ZNF407: variants seen among roughly 807,000 people sequenced by gnomAD.
ZNF407 encodes the protein zinc finger protein 407.
In ZNF407, 17 loss-of-function variants were observed where a neutral mutation model predicts 131.2. The ratio of observed to expected loss-of-function variants is 0.13; its 90% CI spans 0.09 to 0.19. The LOEUF is 0.19. Among genes scored for constraint, ZNF407 ranks in the 10% least tolerant of loss-of-function variants. The pLI, the probability that ZNF407 is intolerant of heterozygous loss-of-function variation, is 1.00. For synonymous variants in ZNF407, 1,156 were observed against 1,062.0 expected (o/e 1.09, Z -1.72); for missense variants, 2,681 against 2,830.6 (o/e 0.95, Z 1.20).
intron 3 of ZNF407, among the ~76,000 whole-genome samples, chr18:74,712,029 G>A (rs563494804): frequency 6.6e-6 from 1 of 152,258 alleles, no homozygotes; most frequent in East Asian, 1.9e-4. Context: ...TTATTTAAAA[G>A]TAAACCTTTT....
At chr18:74,769,654 G>A (rs764039655) in intron 3 of ZNF407, among the ~76,000 whole-genome samples, 1 of 152,162 alleles carries the variant, frequency 6.6e-6, no homozygotes, top group Non-Finnish European at 1.5e-5. Flanking sequence ...CACATGTCAT[G>A]TTTAACTTAA....
intron 1 of ZNF407, among the ~76,000 whole-genome samples, chr18:74,618,760 G>GA (rs1215451841): frequency 6.6e-6 from 1 of 151,888 alleles, no homozygotes; most frequent in South Asian, 2.1e-4. Flanking sequence ...CCATGCAGAG[G>GA]AAAAAAACTA....
At chr18:74,666,103 T>C (rs1423288070) in intron 3 of ZNF407, among the ~76,000 whole-genome samples, 1 of 152,066 alleles carries the variant, frequency 6.6e-6, no homozygotes, top group Admixed American at 6.6e-5. Context: ...CGTGGTGCAG[T>C]GGGAGCCTCA....
rs1028729762 is a variant in ZNF407 at position 75,060,118 on chromosome 18, A to T, written c.5429-3032A>T. The T allele has an allele frequency of 4.6e-5, 7 of 152,252 alleles. No homozygotes were observed. The East Asian group carries it at 1.2e-3, about 25-fold the overall frequency. The allele number at this position is 152,252 out of a possible 1,614,324, so 9.4% of individuals were successfully genotyped here. On this transcript the variant is annotated intron_variant, in intron 8 of 8. Transcript: ENST00000299687. ...CTAGCACCAAACCTCAGGAAGAGGA[A>T]GTCGTGTTCCGGAAGTGCCTGCTAC...
At chr18:74,815,595 T>G (rs1970256911) in intron 4 of ZNF407, among the ~76,000 whole-genome samples, 1 of 152,222 alleles carries the variant, frequency 6.6e-6, no homozygotes. Flanking sequence ...AAACTTTCTT[T>G]TCTCACAATA....
intron 7 of ZNF407, among the ~76,000 whole-genome samples, chr18:74,898,950 T>TA (rs751692910): frequency 7.2e-5 from 11 of 152,324 alleles, no homozygotes; most frequent in Non-Finnish European, 1.5e-4. Flanking sequence ...ATCTTTGAGT[T>TA]AAAAGTTTAA....
chr18:74,976,839 A>T (rs1231585384), intron 8 of ZNF407, among the ~76,000 whole-genome samples: 1 of 152,174 alleles, frequency 6.6e-6, no homozygotes, highest in African/African-American at 2.4e-5. Flanking sequence ...TCCGATATGG[A>T]ACATCAGATT....
intron 1 of ZNF407, among the ~76,000 whole-genome samples, chr18:74,608,706 T>C (rs979498491): frequency 6.6e-6 from 1 of 152,336 alleles, no homozygotes; most frequent in Non-Finnish European, 1.5e-5. Context: ...TACTGGCCAG[T>C]TATTTTGTAG....
intron 8 of ZNF407, among the ~76,000 whole-genome samples, chr18:74,929,109 C>G (rs1454660346): frequency 6.6e-6 from 1 of 152,148 alleles, no homozygotes; most frequent in East Asian, 1.9e-4. Context: ...CTCACTCATG[C>G]TCATCCTGTC....
chr18:74,796,733 G>A (rs776438716), intron 4 of ZNF407, among the ~76,000 whole-genome samples: 2 of 152,014 alleles, frequency 1.3e-5, no homozygotes, highest in Non-Finnish European at 2.9e-5. Flanking sequence ...ATGCACGCTC[G>A]AAGCTTGTTC....
Position 75,048,860 on chromosome 18 carries a change from G to T in ZNF407, c.5429-14290G>T, listed in dbSNP as rs142439189. On this transcript the variant is annotated intron_variant, in intron 8 of 8. Coordinates refer to ENST00000299687, the MANE Select transcript of ZNF407 (RefSeq NM_017757.3). The surrounding 1 kb of genome is among the most constrained non-coding windows in gnomAD (Gnocchi z 4.1). ...TGGAGGGTGGGAAGGGGCAGAAGGG[G>T]TGAGCAGGCAGTGTTCAGGCTGTAG... Among the ~76,000 whole-genome samples the T allele has an allele frequency of 5.5e-3, 838 of 152,314 alleles. 10 individuals are homozygous for T. The highest frequency in any genetic ancestry group is 0.019 in the African/African-American group (782 of 41,572).
intron 4 of ZNF407, among the ~76,000 whole-genome samples, chr18:74,854,390 C>T (rs9960297): frequency 0.16 from 24,628 of 152,054 alleles, 2,290 homozygotes; most frequent in Middle Eastern, 0.28. Context: ...TACATGGAGA[C>T]AAATAAGCAT....
chr18:74,634,030 A>T lies in ZNF407; in HGVS notation c.3011A>T (p.Asp1004Val). The T allele has an allele frequency of 3.1e-6, 5 of 1,614,024 alleles. No individual in the cohort carries two copies. The highest frequency in any genetic ancestry group is 4.2e-6 in the Non-Finnish European group (5 of 1,179,898). ...CCAGAGGACTTCGCCCAGCCGGGGG[A>T]TGTGTACTCCCAGAGAGATGTTACA... Reference protein sequence around the residue: ...SEPEDFAQPGDVYSQRDVTGT... With the variant: ...SEPEDFAQPGVVYSQRDVTGT... The change falls in exon 2 of 9, where the codon GAT becomes GTT. Residue 1004 changes from aspartate to valine, a missense_variant. Asp to Val is a radical substitution (Grantham distance 152). This residue lies in a region of ZNF407 where 1,789 missense variants were observed against 1,748.7 expected (regional missense o/e 1.02). Coordinates refer to ENST00000299687, the MANE Select transcript of ZNF407 (RefSeq NM_017757.3).
At position 74,676,658 on chromosome 18, in the gene ZNF407, T is replaced by C. The variant is rs182669391; in HGVS notation, c.4802+35536T>C. 2.8e-3 allele frequency among the ~76,000 whole-genome samples: 429 copies of C among 152,120 alleles called. 4 individuals are homozygous for C. Among genetic ancestry groups the C allele is most frequent in the Admixed American group, 6.4e-3 (98 of 15,286 alleles). ...ACCGTGTTAGCCAGGATGGTCTCGA[T>C]CTCCTGACCTCGTGATCTGCCCGCC... On this transcript the variant is annotated intron_variant, in intron 3 of 8. Coordinates refer to ENST00000299687, the MANE Select transcript of ZNF407 (RefSeq NM_017757.3).
chr18:74,756,002 T>C (rs2144960407), intron 3 of ZNF407, among the ~76,000 whole-genome samples: 1 of 149,158 alleles, frequency 6.7e-6, no homozygotes, highest in East Asian at 2.0e-4. Context: ...GAAGCTATTC[T>C]TCTGCCTCAG....
At chr18:74,911,303 A>G (rs139221878) in intron 7 of ZNF407, among the ~76,000 whole-genome samples, 1 of 152,346 alleles carries the variant, frequency 6.6e-6, no homozygotes, top group African/African-American at 2.4e-5. Context: ...TACTGTAATA[A>G]TGTTAACATG....
chr18:74,725,726 C>A (rs1210408663), intron 3 of ZNF407, among the ~76,000 whole-genome samples: 1 of 151,800 alleles, frequency 6.6e-6, no homozygotes, highest in African/African-American at 2.4e-5. Context: ...TGAAAAATTG[C>A]TTTCTTTTCA....
At chr18:74,874,569 C>T (rs1971130296) in intron 4 of ZNF407, among the ~76,000 whole-genome samples, 1 of 152,086 alleles carries the variant, frequency 6.6e-6, no homozygotes, top group African/African-American at 2.4e-5. Context: ...AGCACCTTTG[C>T]CTCTAGCTCC....
At chr18:74,884,504 T>C (rs1971281557) in intron 6 of ZNF407, among the ~76,000 whole-genome samples, 1 of 152,222 alleles carries the variant, frequency 6.6e-6, no homozygotes, top group African/African-American at 2.4e-5. Flanking sequence ...TTGCTTAGCA[T>C]AGGATTTTAT....
Sources: allele counts gnomAD v4.1 joint callset (sites outside exome capture counted in the v4.1 genomes callset), GRCh38; gene constraint gnomAD v4.1.1; regional missense constraint gnomAD v4.1.1; non-coding constraint Gnocchi (gnomAD v3.1); transcripts MANE v1.5; gene names NCBI Gene and HGNC (gene_info 2026-07-23, HGNC 2026-07-21).